Variants in SRR observed in about 807,000 individuals in gnomAD.
The protein encoded by SRR is serine racemase.
A neutral mutation model predicts 32.7 loss-of-function variants in SRR; 19 were observed. The ratio of observed to expected loss-of-function variants is 0.58; its 90% confidence interval spans 0.40 to 0.85. The LOEUF (loss-of-function observed/expected upper bound fraction) is 0.85, where lower values mean the gene tolerates loss of function less well. Ranked by LOEUF, SRR falls within the 40% of genes least tolerant of loss-of-function variation. The pLI, the probability that SRR is intolerant of heterozygous loss-of-function variation, is 0.00. For missense variants in SRR, 373 were observed against 404.7 expected, an observed-to-expected ratio of 0.92 and a Z score of 0.67; for synonymous variants, 142 against 140.9, an observed-to-expected ratio of 1.01 and a Z score of -0.06.
chr17:2,305,333 A>C (rs2075379442), intron 1 of SRR, among the ~76,000 whole-genome samples: 1 of 152,260 alleles, frequency 6.6e-6, no homozygotes, highest in South Asian at 2.1e-4. Context: ...TTCTTAGGAC[A>C]AATGGCACCA....
intron 4 of SRR, among the ~76,000 whole-genome samples, chr17:2,320,543 C>T (rs1004957638): frequency 2.7e-5 from 4 of 148,684 alleles, no homozygotes; most frequent in East Asian, 2.0e-4. Flanking sequence ...TGTGAGCCAC[C>T]GTGCCTGGTC....
intron 1 of SRR, among the ~76,000 whole-genome samples, chr17:2,304,328 T>C (rs1294539278): frequency 2.0e-4 from 30 of 151,690 alleles, no homozygotes; most frequent in African/African-American, 7.3e-4. Flanking sequence ...CTCGGCTCAC[T>C]GCAACCTCTG....
intron 1 of SRR, chr17:2,315,274 A>G: frequency 4.3e-6 from 1 of 231,464 alleles, no homozygotes; most frequent in African/African-American, 2.3e-5. Context: ...GATGGAGACC[A>G]GTGGCAGTGC....
chr17:2,323,941 T>A lies in SRR; in HGVS notation c.*68T>A. ...CTGAAGACATTTTGTTTCCTAGTAT[T>A]GTCAACTCTTAGTTATCAGATTCTT... On this transcript the variant is annotated 3_prime_UTR_variant, in exon 8 of 8. Coordinates refer to ENST00000344595, the MANE Select transcript of SRR (RefSeq NM_021947.3). 1 of 1,398,310 alleles carries A rather than the reference T, an allele frequency of 7.2e-7. No homozygotes were observed. The highest frequency in any genetic ancestry group is 2.3e-5 in the East Asian group (1 of 43,196). 86.6% of individuals were successfully genotyped at this position (1,398,310 alleles called of 1,614,324 possible). A position where few individuals can be genotyped will look rare whatever the true frequency, so the allele number is the denominator to read the frequency against.
Position 2,323,174 on chromosome 17 carries a change from C to A in SRR, c.633C>A (p.Pro211=). The A allele has an allele frequency of 6.2e-7, 1 of 1,614,192 alleles. No individual in the cohort carries two copies. The highest frequency in any genetic ancestry group is 1.1e-5 in the South Asian group (1 of 91,088). The change falls in exon 7 of 8, where the codon CCC becomes CCA. Residue 211 remains proline, a synonymous_variant. Transcript: ENST00000344595. ...KPSVKVYAAE[P]SNADDCYQSK... is the part of the protein sequence containing the mutation. ...GTGTGAAGGTATATGCTGCTGAACCCTCAAATGCAGATGACTGCTACCAGT... is the reference window on the plus strand; with the variant it reads ...GTGTGAAGGTATATGCTGCTGAACCATCAAATGCAGATGACTGCTACCAGT...
At chr17:2,310,976 G>A (rs185221709) in intron 1 of SRR, among the ~76,000 whole-genome samples, 1 of 152,058 alleles carries the variant, frequency 6.6e-6, no homozygotes, top group African/African-American at 2.4e-5. Flanking sequence ...TCGATCTCCT[G>A]ACCTTGTGAT....
chr17:2,323,566 C>A, intron 7 of SRR, 89 bp from the exon 8 acceptor site: 1 of 1,397,022 alleles, frequency 7.2e-7, no homozygotes, highest in South Asian at 1.2e-5. Flanking sequence ...TAAGAAAATT[C>A]AAACTGGACA....
intron 1 of SRR, among the ~76,000 whole-genome samples, chr17:2,314,984 C>G (rs1434834541): frequency 6.6e-6 from 1 of 151,932 alleles, no homozygotes; most frequent in African/African-American, 2.4e-5. Flanking sequence ...TGGCTTACAC[C>G]TGTAATCCCA....
intron 2 of SRR, 51 bp downstream of exon 2, chr17:2,315,779 A>G (rs779526760): frequency 1.3e-6 from 2 of 1,549,606 alleles, no homozygotes; most frequent in Non-Finnish European, 1.8e-6. Flanking sequence ...ACCCTTTCAC[A>G]TATCAGTTTG....
chr17:2,325,216 T>G lies in SRR; in HGVS notation c.*1343T>G. The G allele has an allele frequency of 1.0e-6, 1 of 959,034 alleles. No individual in the cohort carries two copies. The allele number at this position is 959,034 out of a possible 1,614,324, so 59.4% of individuals were successfully genotyped here. A position where few individuals can be genotyped will look rare whatever the true frequency, so the allele number is the denominator to read the frequency against. ...ACCATCATTACCTTCTCCATACCATTTGGCTCCCAAATTTAAATAAACAAG... is the reference window on the plus strand; with the variant it reads ...ACCATCATTACCTTCTCCATACCATGTGGCTCCCAAATTTAAATAAACAAG... On this transcript the variant is annotated 3_prime_UTR_variant, in exon 8 of 8. Transcript: ENST00000344595.
At position 2,324,928 on chromosome 17, in the gene SRR, T is replaced by G. The variant is rs2075566335; in HGVS notation, c.*1055T>G. ...AAGACCCATGCAAGAGCCTGGTTTGTCATCCCTGCCCTAGCCCAATCTGAG... is the reference window on the plus strand; with the variant it reads ...AAGACCCATGCAAGAGCCTGGTTTGGCATCCCTGCCCTAGCCCAATCTGAG... On this transcript the variant is annotated 3_prime_UTR_variant, in exon 8 of 8. Coordinates refer to ENST00000344595, the MANE Select transcript of SRR (RefSeq NM_021947.3). 1.4e-6 allele frequency: 2 copies of G among 1,401,240 alleles called. No individual in the cohort carries two copies. Among genetic ancestry groups the G allele is most frequent in the Non-Finnish European group, 1.9e-6 (2 of 1,052,464 alleles). The allele number at this position is 1,401,240 out of a possible 1,614,324, so 86.8% of individuals were successfully genotyped here. A position where few individuals can be genotyped will look rare whatever the true frequency, so the allele number is the denominator to read the frequency against.
rs1170862651 is a variant in SRR at position 2,315,607 on chromosome 17, A to G, written c.47A>G (p.His16Arg). Residue 16 changes from histidine (H) to arginine (R), a missense_variant, in exon 2 of 8, where the codon CAT (histidine) becomes CGT (arginine). Physicochemically the swap from His to Arg is conservative, Grantham distance 29. Coordinates refer to ENST00000344595, the MANE Select transcript of SRR (RefSeq NM_021947.3). Reference sequence around the variant, plus strand: ...TCCTTTGCTGATGTTGAAAAAGCTCATATCAACATTCGAGATTCTATCCAC... The same window carrying G: ...TCCTTTGCTGATGTTGAAAAAGCTCGTATCAACATTCGAGATTCTATCCAC... ...CISFADVEKA[H>R]INIRDSIHLT... 6 of 1,614,100 alleles carry G rather than the reference A, an allele frequency of 3.7e-6. No homozygotes were observed. The South Asian group carries it at 4.4e-5, about 12-fold the overall frequency.
intron 4 of SRR, among the ~76,000 whole-genome samples, chr17:2,320,167 T>C (rs539560878): frequency 2.0e-5 from 3 of 150,568 alleles, no homozygotes; most frequent in Admixed American, 1.3e-4. Flanking sequence ...TCCCATCTCA[T>C]ACACGGTGGA....
At chr17:2,316,558 AC>A (rs2075474135) in intron 2 of SRR, among the ~76,000 whole-genome samples, 2 of 152,224 alleles carry the variant, frequency 1.3e-5, no homozygotes, top group Non-Finnish European at 2.9e-5. Flanking sequence ...AGCCTGGGCC[AC>A]ACGGCAAAAC....
chr17:2,314,673 A>C (rs1055801180), intron 1 of SRR, among the ~76,000 whole-genome samples: 3 of 151,426 alleles, frequency 2.0e-5, no homozygotes, highest in Non-Finnish European at 4.4e-5. Flanking sequence ...GAATCGCTTG[A>C]ACCTGGGATG....
chr17:2,318,185 C>T (rs142113722), intron 3 of SRR, among the ~76,000 whole-genome samples, 189 bp downstream of exon 3: 1 of 152,200 alleles, frequency 6.6e-6, no homozygotes, highest in East Asian at 1.9e-4. Flanking sequence ...CTTGCTGTCA[C>T]CCAGGCTGGA....
intron 1 of SRR, chr17:2,307,431 T>C: frequency 1.5e-6 from 2 of 1,313,878 alleles, no homozygotes; most frequent in Non-Finnish European, 2.2e-6. Flanking sequence ...ATTTCAGTGG[T>C]CATGGTGGCT....
At chr17:2,320,537 A>G (rs1357869907) in intron 4 of SRR, among the ~76,000 whole-genome samples, 3 of 150,918 alleles carry the variant, frequency 2.0e-5, no homozygotes, top group Admixed American at 6.6e-5. Flanking sequence ...TACAAGTGTG[A>G]GCCACCGTGC....
upstream of SRR, chr17:2,303,777 A>T: frequency 7.0e-7 from 1 of 1,418,978 alleles, no homozygotes; most frequent in Non-Finnish European, 9.4e-7. Context: ...GCAGCCAGGA[A>T]ACCACCACAG....
Sources: allele counts gnomAD v4.1 joint callset (sites outside exome capture counted in the v4.1 genomes callset), GRCh38; gene constraint gnomAD v4.1.1; transcripts MANE v1.5; gene names NCBI Gene and HGNC (gene_info 2026-07-23, HGNC 2026-07-21).